The following FCHSD2 variants were observed in gnomAD, a reference collection of about 807,000 sequenced individuals.
FCHSD2 encodes the protein F-BAR and double SH3 domains protein 2.
In FCHSD2, 38 loss-of-function variants were observed where a neutral mutation model predicts 108.1. The observed-to-expected ratio is 0.35, with a 90% confidence interval of 0.27 to 0.46. The LOEUF (loss-of-function observed/expected upper bound fraction) is 0.46, where lower values mean the gene tolerates loss of function less well. FCHSD2 is among the 20% of genes least tolerant of loss of function. The pLI, the probability that FCHSD2 is intolerant of heterozygous loss-of-function variation, is 1.00. For synonymous variants in FCHSD2, 279 were observed against 314.7 expected (o/e 0.89, Z 1.20); for missense variants, 751 against 897.8 (o/e 0.84, Z 2.09).
At chr11:73,101,153 T>C (rs1860215595) in intron 2 of FCHSD2, among the ~76,000 whole-genome samples, 1 of 152,220 alleles carries the variant, frequency 6.6e-6, no homozygotes, top group African/African-American at 2.4e-5. Context: ...CAAAGAACCC[T>C]GAGGTTTAGT....
intron 2 of FCHSD2, among the ~76,000 whole-genome samples, chr11:73,130,710 C>T (rs1037453472): frequency 1.3e-5 from 2 of 152,056 alleles, no homozygotes; most frequent in Non-Finnish European, 2.9e-5. Flanking sequence ...TTAAACAGAC[C>T]CTCTCAAACT....
chr11:73,014,740 A>G (rs1857932906), intron 4 of FCHSD2, among the ~76,000 whole-genome samples: 1 of 152,184 alleles, frequency 6.6e-6, no homozygotes, highest in Non-Finnish European at 1.5e-5. Flanking sequence ...TCCTAACCAG[A>G]CTGCAAGCTC....
At chr11:73,060,759 T>C (rs891347096) in intron 3 of FCHSD2, among the ~76,000 whole-genome samples, 3 of 152,054 alleles carry the variant, frequency 2.0e-5, no homozygotes, top group Admixed American at 6.5e-5. Context: ...GTGGGCAAGA[T>C]TGAAGTTAGA....
At chr11:73,034,326 A>G (rs1295245193) in intron 3 of FCHSD2, among the ~76,000 whole-genome samples, 1 of 152,222 alleles carries the variant, frequency 6.6e-6, no homozygotes, top group Non-Finnish European at 1.5e-5. Context: ...GCTCACACCT[A>G]CTTCAAAACA....
intron 5 of FCHSD2, among the ~76,000 whole-genome samples, chr11:72,996,805 G>C (rs1857526602): frequency 6.6e-6 from 1 of 152,104 alleles, no homozygotes; most frequent in Non-Finnish European, 1.5e-5. Context: ...AAAACTGCCA[G>C]CATTAAAGAC....
chr11:72,950,523 C>T (rs1285037626), intron 8 of FCHSD2, among the ~76,000 whole-genome samples: 1 of 151,860 alleles, frequency 6.6e-6, no homozygotes, highest in Non-Finnish European at 1.5e-5. Context: ...AGGTAGAGGT[C>T]CAACTTCATT....
At chr11:73,044,835 C>T (rs920060203) in intron 3 of FCHSD2, among the ~76,000 whole-genome samples, 2 of 152,060 alleles carry the variant, frequency 1.3e-5, no homozygotes, top group Non-Finnish European at 1.5e-5. Context: ...CTTTGGGAGG[C>T]CGAGGCAGGT....
intron 3 of FCHSD2, among the ~76,000 whole-genome samples, chr11:73,022,070 G>T (rs1858122791): frequency 6.6e-6 from 1 of 151,866 alleles, no homozygotes; most frequent in Non-Finnish European, 1.5e-5. Context: ...CTCCAGTCTG[G>T]GCAACAGAGT....
chr11:72,978,799 C>G (rs1264171152), intron 8 of FCHSD2, among the ~76,000 whole-genome samples: 1 of 151,344 alleles, frequency 6.6e-6, no homozygotes, highest in African/African-American at 2.4e-5. Flanking sequence ...CCATGCGGAA[C>G]TGAGTCAATT....
chr11:72,888,784 C>T (rs1485192280), intron 11 of FCHSD2, among the ~76,000 whole-genome samples: 1 of 151,916 alleles, frequency 6.6e-6, no homozygotes, highest in Non-Finnish European at 1.5e-5. Flanking sequence ...CCATGCCCGA[C>T]TAATTTTTGA....
intron 8 of FCHSD2, among the ~76,000 whole-genome samples, chr11:72,958,806 A>C (rs1358536623): frequency 6.6e-6 from 1 of 152,236 alleles, no homozygotes; most frequent in Non-Finnish European, 1.5e-5. Flanking sequence ...TAATCTTTTT[A>C]AAAGTTGAAA....
rs1014561913 is a variant in FCHSD2, at chr11:73,014,505, T to G, written c.242+1304A>C. On this transcript the variant is annotated intron_variant, in intron 4 of 19. Coordinates refer to ENST00000409418, the MANE Select transcript of FCHSD2 (RefSeq NM_014824.3). The stretch of plus-strand genomic sequence containing the variant: ...ATTATTTATTGCTCTCAAGACACCT[T>G]CCATGATATCAGTAGGCCACTGTGA... Among the ~76,000 whole-genome samples the G allele has an allele frequency of 5.3e-5, 8 of 152,282 alleles. No homozygotes were observed. The East Asian group carries it at 1.5e-3, about 29-fold the overall frequency.
chr11:73,112,647 G>T lies in FCHSD2; in HGVS notation c.119+27384C>A, dbSNP rs182456524. Among the ~76,000 whole-genome samples, 8 of 152,092 alleles carry T rather than the reference G, an allele frequency of 5.3e-5. No individual in the cohort carries two copies. In the South Asian group the frequency reaches 8.3e-4, roughly 16 times the overall value. On this transcript the variant is annotated intron_variant, in intron 2 of 19. Transcript: ENST00000409418. ...TCTTAGATTTGCCTTTTTGTTGTTG[G>T]TGGTGGTGTTGGTGTTGTTGAGACG...
Position 73,079,062 on chromosome 11 carries a change from G to A in FCHSD2, c.165+4633C>T, listed in dbSNP as rs571824222. ...CCTTAATCTGGATAATAGTTTACAT[G>A]AGTGTGTTCACAAAAATTTATCAAA... On this transcript the variant is annotated intron_variant, in intron 3 of 19. Transcript: ENST00000409418. Among the ~76,000 whole-genome samples, 384 of 152,196 alleles carry A rather than the reference G, an allele frequency of 2.5e-3. 2 individuals are homozygous for A. The highest frequency in any genetic ancestry group is 3.9e-3 in the Non-Finnish European group (265 of 67,998).
intron 2 of FCHSD2, among the ~76,000 whole-genome samples, chr11:73,116,130 TA>T (rs1860595722): frequency 6.6e-6 from 1 of 152,278 alleles, no homozygotes; most frequent in Non-Finnish European, 1.5e-5. Flanking sequence ...TAAGAGTTTT[TA>T]TTCTGATTGG....
chr11:72,873,420 A>C (rs1321344357), intron 12 of FCHSD2, among the ~76,000 whole-genome samples: 1 of 151,356 alleles, frequency 6.6e-6, no homozygotes, highest in African/African-American at 2.4e-5. Context: ...CCCTTTTCCC[A>C]TTTTTAAGTT....
chr11:72,916,328 GAGAC>G (rs1430871326), intron 9 of FCHSD2, among the ~76,000 whole-genome samples: 1 of 109,318 alleles, frequency 9.1e-6, no homozygotes, highest in Non-Finnish European at 1.8e-5. Flanking sequence ...TTTTTTTAAA[GAGAC>G]AGGGTCTTGC....
intron 3 of FCHSD2, among the ~76,000 whole-genome samples, chr11:73,018,838 G>A (rs1044520571): frequency 1.3e-5 from 2 of 152,068 alleles, no homozygotes; most frequent in African/African-American, 4.8e-5. Context: ...ACTATTTTAA[G>A]AGAAATATGT....
At chr11:72,959,379 G>A (rs561229973) in intron 8 of FCHSD2, among the ~76,000 whole-genome samples, 212 of 150,394 alleles carry the variant, frequency 1.4e-3, no homozygotes, top group African/African-American at 4.9e-3. Flanking sequence ...ACAGGCGCCC[G>A]CCACCATGCC....
Sources: gnomAD v4.1 joint callset for allele counts (sites outside exome capture counted in the v4.1 genomes callset) on GRCh38, gnomAD v4.1.1 for gene constraint, MANE v1.5 for transcripts, NCBI Gene and HGNC (gene_info 2026-07-23, HGNC 2026-07-21) for gene names.